TNR: variants seen among roughly 807,000 people sequenced by gnomAD.
TNR encodes tenascin-R.
In TNR, 45 loss-of-function variants were observed where a neutral mutation model predicts 150.4. The ratio of observed to expected loss-of-function variants is 0.30; its 90% confidence interval spans 0.24 to 0.38. The LOEUF is 0.38. Among genes scored for constraint, TNR ranks in the 10% least tolerant of loss-of-function variants. TNR has a pLI of 1.00. For missense variants in TNR, 1,544 were observed against 1,759.1 expected (o/e 0.88, Z 2.19); for synonymous variants, 687 against 678.4 (o/e 1.01, Z -0.20).
chr1:175,709,308 T>C (rs74129318), intron 1 of TNR, among the ~76,000 whole-genome samples: 2,790 of 127,720 alleles, frequency 0.022, 93 homozygotes, highest in African/African-American at 0.079. Flanking sequence ...CACACACACA[T>C]ACACACACAC....
At chr1:175,616,207 T>C (rs971387985) in intron 1 of TNR, among the ~76,000 whole-genome samples, 1 of 152,146 alleles carries the variant, frequency 6.6e-6, no homozygotes, top group Non-Finnish European at 1.5e-5. Context: ...CTCTGGGGGA[T>C]GCATTTTATC....
chr1:175,412,447 A>C (rs556681440), intron 2 of TNR, among the ~76,000 whole-genome samples: 141 of 152,194 alleles, frequency 9.3e-4, no homozygotes, highest in African/African-American at 2.9e-3. Context: ...TCTTTATTTA[A>C]AAGTCTCCAG....
chr1:175,643,131 C>T (rs1009381863), intron 1 of TNR, among the ~76,000 whole-genome samples: 1 of 152,108 alleles, frequency 6.6e-6, no homozygotes, highest in African/African-American at 2.4e-5. Context: ...CGATGATGCA[C>T]TGAGGGAACC....
intron 2 of TNR, among the ~76,000 whole-genome samples, chr1:175,472,869 C>G (rs1440541539): frequency 6.6e-6 from 1 of 152,144 alleles, no homozygotes; most frequent in Admixed American, 6.6e-5. Context: ...CCTTCCAGAC[C>G]AGCAGTGAGC....
intron 2 of TNR, among the ~76,000 whole-genome samples, chr1:175,506,716 G>T (rs780113106): frequency 2.6e-5 from 4 of 152,220 alleles, no homozygotes; most frequent in Admixed American, 6.5e-5. Context: ...TGGTTTTGAA[G>T]ACTCACAATC....
intron 13 of TNR, 103 bp from the exon 14 acceptor site, chr1:175,362,912 G>C: frequency 7.4e-7 from 1 of 1,358,688 alleles, no homozygotes; most frequent in Non-Finnish European, 1.0e-6. Flanking sequence ...GTGGGACTCC[G>C]CACTCAGTGG....
At chr1:175,623,183 G>A (rs1328022101) in intron 1 of TNR, among the ~76,000 whole-genome samples, 5 of 152,160 alleles carry the variant, frequency 3.3e-5, no homozygotes, top group Admixed American at 1.3e-4. Flanking sequence ...AAATTGACCT[G>A]GTTGATCATA....
intron 1 of TNR, among the ~76,000 whole-genome samples, chr1:175,646,641 C>T (rs1277477091): frequency 1.3e-5 from 2 of 152,206 alleles, no homozygotes; most frequent in Non-Finnish European, 2.9e-5. Context: ...CAAATTGGGC[C>T]TGCAGCTGTG....
chr1:175,388,592 C>A (rs901627733), intron 7 of TNR, among the ~76,000 whole-genome samples: 1 of 152,216 alleles, frequency 6.6e-6, no homozygotes, highest in Non-Finnish European at 1.5e-5. Flanking sequence ...TGTAGCCACT[C>A]TTGGATTCTG....
At position 175,599,285 on chromosome 1, in the gene TNR, C is replaced by A. The variant is rs901800466; in HGVS notation, c.-164-70916G>T. Among the ~76,000 whole-genome samples, 2 of 152,176 alleles carry A rather than the reference C, an allele frequency of 1.3e-5. No homozygotes were observed. Among genetic ancestry groups the A allele is most frequent in the African/African-American group, 4.8e-5 (2 of 41,452 alleles). On this transcript the variant is annotated intron_variant, in intron 1 of 22. Transcript: ENST00000367674. This position sits in a 1 kb window ranked among gnomAD's most constrained non-coding sequence, Gnocchi z 4.7. ...TTCAGGCGCCCGGGTTTGCCCACCG[C>A]GAAGAGCAGTGGCGGAGACATCGCA...
chr1:175,734,180 G>T (rs1667715197), intron 1 of TNR, among the ~76,000 whole-genome samples: 1 of 152,194 alleles, frequency 6.6e-6, no homozygotes, highest in African/African-American at 2.4e-5. Context: ...TGACATAGAT[G>T]AGGGCAACCT....
intron 1 of TNR, among the ~76,000 whole-genome samples, chr1:175,586,382 C>A (rs1662571902): frequency 6.6e-6 from 1 of 152,164 alleles, no homozygotes. Flanking sequence ...TCCCCTGCAA[C>A]CTCCGCCTCC....
chr1:175,369,074 T>C (rs1320119408), intron 9 of TNR, among the ~76,000 whole-genome samples: 2 of 152,124 alleles, frequency 1.3e-5, no homozygotes, highest in Non-Finnish European at 2.9e-5. Context: ...TTTTGGGGCT[T>C]TGTGTGGGCT....
rs1648867644 is a variant in TNR at position 175,317,055 on chromosome 1, T to C, written c.*6302A>G. 6.6e-6 allele frequency: 1 copy of C among 152,242 alleles called. No individual in the cohort carries two copies. The highest frequency in any genetic ancestry group is 6.5e-5 in the Admixed American group (1 of 15,290). 9.4% of individuals were successfully genotyped at this position (152,242 alleles called of 1,614,324 possible). Reference sequence around the variant, plus strand: ...GCTCTATTTAGTAGCTGTGTGACTTTGAGCATGTTACTTAACCTTCCTGGC... The same window carrying C: ...GCTCTATTTAGTAGCTGTGTGACTTCGAGCATGTTACTTAACCTTCCTGGC... On this transcript the variant is annotated 3_prime_UTR_variant, in exon 23 of 23. Coordinates refer to ENST00000367674, the MANE Select transcript of TNR (RefSeq NM_003285.3).
chr1:175,661,454 G>C (rs1485674238), intron 1 of TNR, among the ~76,000 whole-genome samples: 1 of 152,130 alleles, frequency 6.6e-6, no homozygotes, highest in East Asian at 1.9e-4. Context: ...CTTCTGGCAG[G>C]AACATCAAGG....
chr1:175,396,799 G>C lies in TNR; in HGVS notation c.985C>G (p.Pro329Ala). Reference protein sequence around the residue: ...QGPDCSAVAPPEDLRVAGISD... With the variant: ...QGPDCSAVAPAEDLRVAGISD... ...ATACCAGCCACTCGCAAGTCCTCTG[G>C]AGGGGCAACTACCGGGAGGCAATAC... The change falls in exon 5 of 23, where the codon CCA (proline) becomes GCA (alanine). Residue 329 changes from proline (P) to alanine (A), a missense_variant. Transcript: ENST00000367674. 2 of 1,612,638 alleles carry C rather than the reference G, an allele frequency of 1.2e-6. No individual in the cohort carries two copies. Among genetic ancestry groups the C allele is most frequent in the Non-Finnish European group, 1.7e-6 (2 of 1,178,740 alleles).
Position 175,734,166 on chromosome 1 carries a change from A to G in TNR, c.-165+9060T>C, listed in dbSNP as rs372648143. Among the ~76,000 whole-genome samples, 9 of 152,324 alleles carry G rather than the reference A, an allele frequency of 5.9e-5. No homozygotes were observed. The East Asian group carries it at 7.7e-4, about 13-fold the overall frequency. On this transcript the variant is annotated intron_variant, in intron 1 of 22. Coordinates refer to ENST00000367674, the MANE Select transcript of TNR (RefSeq NM_003285.3). ...CCATGGGGAGAATGTATGTCAACATATATTGACATAGATGAGGGCAACCTT... is the reference window on the plus strand; with the variant it reads ...CCATGGGGAGAATGTATGTCAACATGTATTGACATAGATGAGGGCAACCTT...
intron 2 of TNR, among the ~76,000 whole-genome samples, chr1:175,498,989 TA>T (rs1408550248): frequency 6.6e-6 from 1 of 152,184 alleles, no homozygotes; most frequent in African/African-American, 2.4e-5. Context: ...TGGTCATACT[TA>T]AAAAGAAAAA....
intron 2 of TNR, among the ~76,000 whole-genome samples, chr1:175,449,063 A>G (rs1656191985): frequency 6.6e-6 from 1 of 152,156 alleles, no homozygotes; most frequent in Non-Finnish European, 1.5e-5. Context: ...ACACATTTAC[A>G]TGGTAATAGA....
Sources: allele counts gnomAD v4.1 joint callset (sites outside exome capture counted in the v4.1 genomes callset), GRCh38; gene constraint gnomAD v4.1.1; non-coding constraint Gnocchi (gnomAD v3.1); transcripts MANE v1.5; gene names NCBI Gene and HGNC (gene_info 2026-07-23, HGNC 2026-07-21).